The following ACER2 variants were observed in gnomAD, a reference collection of about 807,000 sequenced individuals.
The protein encoded by ACER2 is alkCDase 2.
Under a neutral mutation model 34.7 loss-of-function variants are expected in ACER2, and 26 were observed. That is an observed-to-expected ratio of 0.75 (90% confidence interval 0.55 to 1.04). The LOEUF is 1.04. ACER2 is among the 50% of genes least tolerant of loss of function. ACER2 has a pLI of 0.00. For missense variants in ACER2, 352 were observed against 340.8 expected (o/e 1.03, Z -0.26); for synonymous variants, 138 against 132.1 (o/e 1.04, Z -0.31).
rs756469090 is a variant in ACER2 at position 19,423,943 on chromosome 9, A to G, written c.190A>G (p.Ile64Val). Reference sequence around the variant, plus strand: ...GTATGCAACATGCTTCAACAGTGGCATCTACTTAATCTGGACTCTTTTGGT... The same window carrying G: ...GTATGCAACATGCTTCAACAGTGGCGTCTACTTAATCTGGACTCTTTTGGT... ...RQYATCFNSG[I>V]YLIWTLLVVV... Residue 64 changes from isoleucine to valine, a missense_variant, in exon 2 of 6, where the codon ATC becomes GTC. Transcript: ENST00000340967. The G allele has an allele frequency of 4.3e-6, 7 of 1,614,066 alleles. No individual in the cohort carries two copies. In the East Asian group the frequency reaches 8.9e-5, roughly 21 times the overall value.
intron 4 of ACER2, among the ~76,000 whole-genome samples, chr9:19,437,629 C>T (rs1019265476): frequency 3.3e-5 from 5 of 152,178 alleles, no homozygotes; most frequent in Non-Finnish European, 7.3e-5. Flanking sequence ...CTGTTTCCTT[C>T]TGCATGTCCT....
At chr9:19,448,735 G>T (rs1268708337) in intron 5 of ACER2, among the ~76,000 whole-genome samples, 1 of 152,106 alleles carries the variant, frequency 6.6e-6, no homozygotes, top group Non-Finnish European at 1.5e-5. Flanking sequence ...TTATTATTAT[G>T]TCTTTTTAAA....
chr9:19,445,152 GC>G (rs1174147347), intron 4 of ACER2, among the ~76,000 whole-genome samples: 1 of 152,202 alleles, frequency 6.6e-6, no homozygotes, highest in Admixed American at 6.5e-5. Flanking sequence ...GCCACCAGCT[GC>G]CCCCAGGTGT....
Position 19,421,911 on chromosome 9 carries a change from G to A in ACER2, c.109-1951G>A, listed in dbSNP as rs113100677. Among the ~76,000 whole-genome samples the A allele has an allele frequency of 2.4e-3, 369 of 152,254 alleles. 3 individuals are homozygous for A. Among genetic ancestry groups the A allele is most frequent in the African/African-American group, 7.3e-3 (304 of 41,550 alleles). On this transcript the variant is annotated intron_variant, in intron 1 of 5. Coordinates refer to ENST00000340967, the MANE Select transcript of ACER2 (RefSeq NM_001010887.3). Reference sequence around the variant, plus strand: ...ACATTTAGTTGGCTGTTGAGCACAGGAAATGTGCCTAGCCCAAACTGAGGC... The same window carrying A: ...ACATTTAGTTGGCTGTTGAGCACAGAAAATGTGCCTAGCCCAAACTGAGGC...
At chr9:19,441,351 A>G (rs1183137249) in intron 4 of ACER2, among the ~76,000 whole-genome samples, 1 of 151,968 alleles carries the variant, frequency 6.6e-6, no homozygotes, top group Non-Finnish European at 1.5e-5. Flanking sequence ...CCCAGCCCTG[A>G]GCACAGTCAT....
At chr9:19,440,298 C>A (rs1397249515) in intron 4 of ACER2, among the ~76,000 whole-genome samples, 1 of 152,182 alleles carries the variant, frequency 6.6e-6, no homozygotes, top group Non-Finnish European at 1.5e-5. Flanking sequence ...ATGTAGGAAT[C>A]CCTTAAGGTG....
chr9:19,436,932 T>C (rs999535299), intron 4 of ACER2, among the ~76,000 whole-genome samples: 1 of 152,254 alleles, frequency 6.6e-6, no homozygotes, highest in Non-Finnish European at 1.5e-5. Context: ...TCTGACACTG[T>C]CAGCCTCCTC....
At chr9:19,412,662 A>AC (rs911839436) in intron 1 of ACER2, among the ~76,000 whole-genome samples, 13 of 151,744 alleles carry the variant, frequency 8.6e-5, no homozygotes, top group Admixed American at 2.6e-4. Context: ...GTCTCAAAAA[A>AC]AAAAAAAAAA....
At position 19,424,688 on chromosome 9, in the gene ACER2, A is replaced by G. The variant is rs1830507279; in HGVS notation, c.224-12A>G. 6.2e-7 allele frequency: 1 copy of G among 1,612,382 alleles called. No homozygotes were observed. Among genetic ancestry groups the G allele is most frequent in the African/African-American group, 1.3e-5 (1 of 74,770 alleles). ...GTGGTGACCTTTTTTTATTGGTTGTAATTGATTCTAGGAATTGGATCCGTC... is the reference window on the plus strand; with the variant it reads ...GTGGTGACCTTTTTTTATTGGTTGTGATTGATTCTAGGAATTGGATCCGTC... On this transcript the variant is annotated splice_polypyrimidine_tract_variant and intron_variant, in intron 2 of 5. Transcript: ENST00000340967.
At chr9:19,414,235 T>C (rs1191429800) in intron 1 of ACER2, among the ~76,000 whole-genome samples, 1 of 152,114 alleles carries the variant, frequency 6.6e-6, no homozygotes, top group Non-Finnish European at 1.5e-5. Flanking sequence ...AACAATGGAA[T>C]GGGTAGTTAG....
intron 1 of ACER2, among the ~76,000 whole-genome samples, chr9:19,411,141 G>A (rs777626360): frequency 2.0e-5 from 3 of 152,286 alleles, no homozygotes; most frequent in East Asian, 1.9e-4. Flanking sequence ...CATTGGAGCC[G>A]TTACTCTATG....
intron 4 of ACER2, among the ~76,000 whole-genome samples, chr9:19,438,551 T>C (rs1427027018): frequency 2.0e-5 from 3 of 152,214 alleles, no homozygotes; most frequent in African/African-American, 7.2e-5. Flanking sequence ...TAAAGCTCTT[T>C]GGCAAACACA....
chr9:19,434,800 G>C (rs1259503582), intron 3 of ACER2, 147 bp from the exon 4 acceptor site: 6 of 984,178 alleles, frequency 6.1e-6, no homozygotes, highest in African/African-American at 1.6e-5. Flanking sequence ...CTCTGTCGCC[G>C]TGAGTGGCTT....
chr9:19,425,710 G>T (rs1290874825), intron 3 of ACER2, among the ~76,000 whole-genome samples: 3 of 152,168 alleles, frequency 2.0e-5, no homozygotes, highest in African/African-American at 7.2e-5. Context: ...GCTGTGTGAG[G>T]TTTGTTACTA....
intron 2 of ACER2, 72 bp downstream of exon 2, chr9:19,424,048 T>G: frequency 1.6e-6 from 2 of 1,228,940 alleles, no homozygotes; most frequent in Non-Finnish European, 2.4e-6. Context: ...TCCACACACT[T>G]CCTCTCCCCT....
chr9:19,428,197 C>T (rs1476983895), intron 3 of ACER2, among the ~76,000 whole-genome samples: 1 of 150,264 alleles, frequency 6.7e-6, no homozygotes, highest in Non-Finnish European at 1.5e-5. Flanking sequence ...GACAGAGTTT[C>T]ACTCTTATTG....
Position 19,409,056 on chromosome 9 carries a change from A to G in ACER2, c.-29A>G. ...GCTCTGGGCTCTTCTCAGCTGCGCG[A>G]GCAGCTGCTCCAATGCCCCGGAGTG... On this transcript the variant is annotated 5_prime_UTR_variant, in exon 1 of 6. Coordinates refer to ENST00000340967, the MANE Select transcript of ACER2 (RefSeq NM_001010887.3). 6.5e-7 allele frequency: 1 copy of G among 1,535,600 alleles called. No individual in the cohort carries two copies. The highest frequency in any genetic ancestry group is 8.8e-7 in the Non-Finnish European group (1 of 1,137,420).
chr9:19,442,718 T>C (rs931905080), intron 4 of ACER2, among the ~76,000 whole-genome samples: 1 of 152,282 alleles, frequency 6.6e-6, no homozygotes, highest in Non-Finnish European at 1.5e-5. Flanking sequence ...ACTAATTGTC[T>C]ATGTATTTGT....
intron 4 of ACER2, among the ~76,000 whole-genome samples, chr9:19,435,311 C>A (rs1006686465): frequency 6.6e-6 from 1 of 152,176 alleles, no homozygotes; most frequent in African/African-American, 2.4e-5. Context: ...TCCCACTGAT[C>A]ACAAGCTAGC....
Sources: allele counts gnomAD v4.1 joint callset (sites outside exome capture counted in the v4.1 genomes callset), GRCh38; gene constraint gnomAD v4.1.1; transcripts MANE v1.5; gene names NCBI Gene and HGNC (gene_info 2026-07-23, HGNC 2026-07-21).